Variants in ANKHD1 observed in about 807,000 individuals in gnomAD.
ANKHD1 encodes ankyrin repeat and KH domain-containing protein 1.
A neutral mutation model predicts 230.5 loss-of-function variants in ANKHD1; 31 were observed. That is an observed-to-expected ratio of 0.13 (90% CI 0.10 to 0.18). The LOEUF is 0.18. ANKHD1 is among the 10% of genes least tolerant of loss of function. The pLI is 1.00. For missense variants in ANKHD1, 2,256 were observed against 3,071.3 expected, an observed-to-expected ratio of 0.73 and a Z score of 6.27; for synonymous variants, 1,074 against 1,117.6, an observed-to-expected ratio of 0.96 and a Z score of 0.78.
chr5:140,475,151 A>G (rs1364846931), intron 10 of ANKHD1, among the ~76,000 whole-genome samples: 1 of 152,200 alleles, frequency 6.6e-6, no homozygotes, highest in Non-Finnish European at 1.5e-5. Flanking sequence ...GTTTAAATAT[A>G]AGTACAAATG....
chr5:140,453,724 G>A (rs1581268118), intron 7 of ANKHD1, among the ~76,000 whole-genome samples: 1 of 152,102 alleles, frequency 6.6e-6, no homozygotes, highest in African/African-American at 2.4e-5. Context: ...CACTAAACAT[G>A]GAAAGGAACA....
At chr5:140,404,963 ATGTCTG>A (rs1770300224) in intron 1 of ANKHD1, among the ~76,000 whole-genome samples, 1 of 89,970 alleles carries the variant, frequency 1.1e-5, no homozygotes, top group Non-Finnish European at 2.3e-5. Context: ...CTGACTGTGC[ATGTCTG>A]TGTGTGTGTG....
At chr5:140,445,094 A>C (rs1774170560) in intron 5 of ANKHD1, among the ~76,000 whole-genome samples, 1 of 151,968 alleles carries the variant, frequency 6.6e-6, no homozygotes, top group Non-Finnish European at 1.5e-5. Flanking sequence ...CCCTGGGTTC[A>C]AGCAATCCTC....
intron 1 of ANKHD1, among the ~76,000 whole-genome samples, chr5:140,432,793 GA>G (rs1293637970): frequency 6.6e-6 from 1 of 151,744 alleles, no homozygotes; most frequent in Non-Finnish European, 1.5e-5. Flanking sequence ...GTGTAATTTT[GA>G]ACTTCTGGGC....
intron 25 of ANKHD1, among the ~76,000 whole-genome samples, chr5:140,524,697 A>T (rs755812686): frequency 2.6e-5 from 4 of 152,216 alleles, no homozygotes; most frequent in Non-Finnish European, 5.9e-5. Context: ...CAGTGCTTGT[A>T]GTAGGCAAAT....
At position 140,497,203 on chromosome 5, in the gene ANKHD1, G is replaced by T; in HGVS notation, c.2929G>T (p.Val977Phe). The change falls in exon 15 of 34, where the codon GTT (valine) becomes TTT (phenylalanine). Residue 977 changes from valine (V) to phenylalanine (F), a missense_variant. Physicochemically the swap from Val to Phe is conservative, Grantham distance 50 (BLOSUM62 -1). Transcript: ENST00000360839. ...AITGHDQGLL[V>F]QEPDGLMVAT... ...TACTGGACATGATCAGGGGCTGTTA[G>T]TTCAAGAACCAGATGGACTAATGGT... 6.2e-7 allele frequency: 1 copy of T among 1,612,414 alleles called. No homozygotes were observed. Among genetic ancestry groups the T allele is most frequent in the South Asian group, 1.1e-5 (1 of 91,070 alleles).
At chr5:140,452,831 G>A (rs1025299342) in intron 7 of ANKHD1, among the ~76,000 whole-genome samples, 17 of 152,202 alleles carry the variant, frequency 1.1e-4, no homozygotes, top group Admixed American at 2.6e-4. Flanking sequence ...CCAAAGGAAC[G>A]CAGCTCCTCA....
chr5:140,465,539 TA>T (rs1270417940), intron 10 of ANKHD1, among the ~76,000 whole-genome samples: 3 of 152,222 alleles, frequency 2.0e-5, no homozygotes, highest in Non-Finnish European at 2.9e-5. Flanking sequence ...ATACATTTCT[TA>T]AAAACTTATG....
chr5:140,434,755 G>A (rs746876959), intron 1 of ANKHD1, among the ~76,000 whole-genome samples: 4 of 151,954 alleles, frequency 2.6e-5, no homozygotes, highest in Non-Finnish European at 4.4e-5. Context: ...CTGCATGGTA[G>A]TCCATCATGT....
At position 140,438,550 on chromosome 5, in the gene ANKHD1, G is replaced by C; in HGVS notation, c.550G>C (p.Asp184His). 2 of 1,613,360 alleles carry C rather than the reference G, an allele frequency of 1.2e-6. No homozygotes were observed. Among genetic ancestry groups the C allele is most frequent in the Non-Finnish European group, 1.7e-6 (2 of 1,179,556 alleles). ...GACATCCTCAGTTAGTTGTGCACTG[G>C]ATGAAGCTGCTGCTGCACTGACACG... is the stretch of plus-strand genomic sequence containing the variant. ...RLTSSVSCALDEAAAALTRMK... is the reference protein window; with the variant it reads ...RLTSSVSCALHEAAAALTRMK... Residue 184 changes from aspartate to histidine, a missense_variant, in exon 3 of 34, where the codon GAT becomes CAT. Physicochemically the swap from Asp to His is moderately conservative, Grantham distance 81. Coordinates refer to ENST00000360839, the MANE Select transcript of ANKHD1 (RefSeq NM_017747.3).
intron 9 of ANKHD1, among the ~76,000 whole-genome samples, chr5:140,462,368 TTGAC>T (rs1775762501): frequency 6.6e-6 from 1 of 152,114 alleles, no homozygotes; most frequent in Non-Finnish European, 1.5e-5. Flanking sequence ...TATTCCTTCC[TTGAC>T]TATCTATAAA....
chr5:140,498,649 G>A (rs1300337914), intron 15 of ANKHD1, among the ~76,000 whole-genome samples: 1 of 152,098 alleles, frequency 6.6e-6, no homozygotes, highest in Non-Finnish European at 1.5e-5. Flanking sequence ...AATTCTTGTA[G>A]TTCATTTGGA....
chr5:140,449,919 TA>T (rs941081607), intron 7 of ANKHD1, among the ~76,000 whole-genome samples: 4 of 152,172 alleles, frequency 2.6e-5, no homozygotes, highest in African/African-American at 7.2e-5. Flanking sequence ...GGATAGCCTA[TA>T]AAACATTTAA....
chr5:140,440,395 T>C lies in ANKHD1; in HGVS notation c.765+129T>C, dbSNP rs111550204. 302 of 1,333,100 alleles carry C rather than the reference T, an allele frequency of 2.3e-4. No homozygotes were observed. The African/African-American group carries it at 4.2e-3, about 19-fold the overall frequency. 82.6% of individuals were successfully genotyped at this position (1,333,100 alleles called of 1,614,324 possible). Reference sequence around the variant, plus strand: ...CTCTTCCCCCATCCTCCTTCCCTTTTTGGTAGTGGGTAAAGTAGAAACAGA... The same window carrying C: ...CTCTTCCCCCATCCTCCTTCCCTTTCTGGTAGTGGGTAAAGTAGAAACAGA... On this transcript the variant is annotated intron_variant, in intron 4 of 33. Transcript: ENST00000360839.
intron 6 of ANKHD1, 88 bp from the exon 7 acceptor site, chr5:140,449,123 G>T: frequency 1.5e-6 from 2 of 1,291,618 alleles, no homozygotes; most frequent in Non-Finnish European, 1.1e-6. Flanking sequence ...TTCTTGTATA[G>T]ACATCTGAAG....
At chr5:140,465,675 A>G (rs955869861) in intron 10 of ANKHD1, among the ~76,000 whole-genome samples, 5 of 152,224 alleles carry the variant, frequency 3.3e-5, no homozygotes, top group African/African-American at 1.2e-4. Context: ...TTATTGGAAA[A>G]TAATTATTAA....
chr5:140,514,187 T>TAAAAAA (rs141993613), intron 24 of ANKHD1, among the ~76,000 whole-genome samples: 1 of 111,458 alleles, frequency 9.0e-6, no homozygotes, highest in African/African-American at 3.4e-5. Flanking sequence ...CTCTCTCTAT[T>TAAAAAA]AAAAAAAAAA....
intron 10 of ANKHD1, among the ~76,000 whole-genome samples, chr5:140,467,623 G>A (rs1776183234): frequency 6.6e-6 from 1 of 151,972 alleles, no homozygotes; most frequent in African/African-American, 2.4e-5. Flanking sequence ...AAGAAAATGT[G>A]GAAAGTATGG....
At chr5:140,450,133 T>G (rs962726330) in intron 7 of ANKHD1, among the ~76,000 whole-genome samples, 10 of 152,156 alleles carry the variant, frequency 6.6e-5, no homozygotes, top group African/African-American at 2.4e-4. Flanking sequence ...TTAAGACAGA[T>G]TTAATGGCAA....
Sources: gnomAD v4.1 joint callset for allele counts (sites outside exome capture counted in the v4.1 genomes callset) on GRCh38, gnomAD v4.1.1 for gene constraint, MANE v1.5 for transcripts, NCBI Gene and HGNC (gene_info 2026-07-23, HGNC 2026-07-21) for gene names.